Variants in HHIP observed in about 807,000 individuals in gnomAD.
HHIP encodes hedgehog interacting protein, also known as hedgehog-interacting protein.
In HHIP, 12 loss-of-function variants were observed where a neutral mutation model predicts 74.0. The ratio of observed to expected loss-of-function variants is 0.16; its 90% CI spans 0.10 to 0.26. HHIP has a LOEUF of 0.26. Among genes scored for constraint, HHIP ranks in the 10% least tolerant of loss-of-function variants. The pLI is 1.00. For synonymous variants in HHIP, 309 were observed against 311.6 expected (o/e 0.99, Z 0.09); for missense variants, 788 against 845.0 (o/e 0.93, Z 0.84).
At chr4:144,672,033 CTTG>C (rs1322086189) in intron 4 of HHIP, among the ~76,000 whole-genome samples, 1 of 151,964 alleles carries the variant, frequency 6.6e-6, no homozygotes, top group Non-Finnish European at 1.5e-5. Context: ...TAGGTCCTTT[CTTG>C]TTCTACAATT....
At chr4:144,659,006 G>A in intron 3 of HHIP, 60 bp downstream of exon 3, 1 of 1,403,764 alleles carries the variant, frequency 7.1e-7, no homozygotes, top group Non-Finnish European at 9.8e-7. Context: ...AAATCTTGTG[G>A]TTTTGACAGT....
At chr4:144,652,387 C>T (rs1728447869) in intron 1 of HHIP, among the ~76,000 whole-genome samples, 1 of 152,086 alleles carries the variant, frequency 6.6e-6, no homozygotes, top group Non-Finnish European at 1.5e-5. Flanking sequence ...ATAAGAAGCA[C>T]TTTTATGTAT....
chr4:144,714,390 C>T, intron 9 of HHIP, 42 bp downstream of exon 9: 3 of 1,596,990 alleles, frequency 1.9e-6, no homozygotes, highest in South Asian at 1.1e-5. Flanking sequence ...TACCAAATGA[C>T]ATATCCATTA....
chr4:144,712,024 A>C lies in HHIP; in HGVS notation c.1376A>C (p.Asn459Thr), dbSNP rs1175195683. 1.2e-6 allele frequency: 2 copies of C among 1,612,492 alleles called. No individual in the cohort carries two copies. The highest frequency in any genetic ancestry group is 1.7e-5 in the Admixed American group (1 of 60,004). Residue 459 changes from asparagine to threonine, a missense_variant, in exon 8 of 13, where the codon AAC becomes ACC. Coordinates refer to ENST00000296575, the MANE Select transcript of HHIP (RefSeq NM_022475.3). ...TILCSDSNGK[N>T]RSSARILQII... Reference sequence around the variant, plus strand: ...CTGTGTTCAGACTCCAATGGAAAAAACAGATCATCAGCCAGAATTCTACAG... The same window carrying C: ...CTGTGTTCAGACTCCAATGGAAAAACCAGATCATCAGCCAGAATTCTACAG...
chr4:144,715,078 T>C (rs191019650), intron 9 of HHIP: 113 of 407,126 alleles, frequency 2.8e-4, no homozygotes, highest in Non-Finnish European at 4.6e-4. Flanking sequence ...ACTCAGGTAC[T>C]TTTAGTGCCC....
intron 4 of HHIP, among the ~76,000 whole-genome samples, chr4:144,697,538 C>A (rs1200841955): frequency 6.6e-6 from 1 of 151,960 alleles, no homozygotes; most frequent in African/African-American, 2.4e-5. Flanking sequence ...TTAAAGTTTC[C>A]ACAGCTGTCA....
In HHIP at chr4:144,721,811, G is replaced by A. The variant is rs140552252; in HGVS notation, c.1760+2855G>A. ...CCAGCTACTCAGTAGGCTGAGGCAGGAGAATCACTTGAACCCAGGAGGAGG... is the reference window on the plus strand; with the variant it reads ...CCAGCTACTCAGTAGGCTGAGGCAGAAGAATCACTTGAACCCAGGAGGAGG... On this transcript the variant is annotated intron_variant, in intron 11 of 12. Coordinates refer to ENST00000296575, the MANE Select transcript of HHIP (RefSeq NM_022475.3). Among the ~76,000 whole-genome samples the A allele has an allele frequency of 1.3e-3, 202 of 151,602 alleles. 2 individuals are homozygous for A. Among genetic ancestry groups the A allele is most frequent in the African/African-American group, 4.5e-3 (186 of 41,316 alleles).
intron 4 of HHIP, among the ~76,000 whole-genome samples, chr4:144,681,450 G>C (rs1729339912): frequency 7.5e-6 from 1 of 133,002 alleles, no homozygotes; most frequent in African/African-American, 2.9e-5. Flanking sequence ...TTTTGAGACA[G>C]AGTCTCGCTC....
intron 4 of HHIP, among the ~76,000 whole-genome samples, chr4:144,699,958 C>T (rs932706983): frequency 4.6e-5 from 7 of 152,156 alleles, no homozygotes; most frequent in African/African-American, 1.7e-4. Context: ...AGCAAAATAA[C>T]ACAGTTTTAA....
At chr4:144,665,401 T>C (rs1478222660) in intron 4 of HHIP, among the ~76,000 whole-genome samples, 1 of 152,210 alleles carries the variant, frequency 6.6e-6, no homozygotes, top group African/African-American at 2.4e-5. Context: ...CTAATATCAA[T>C]GTAGTAATGG....
At chr4:144,703,501 A>C (rs1730046848) in intron 4 of HHIP, among the ~76,000 whole-genome samples, 1 of 152,312 alleles carries the variant, frequency 6.6e-6, no homozygotes, top group East Asian at 1.9e-4. Flanking sequence ...AGGGGTTAGA[A>C]GGAGAGCAGT....
At chr4:144,687,751 C>CTTTTTTTT (rs5862719) in intron 4 of HHIP, among the ~76,000 whole-genome samples, 14 of 73,442 alleles carry the variant, frequency 1.9e-4, no homozygotes, top group East Asian at 4.7e-4. Context: ...CTTTTGGCAA[C>CTTTTTTTT]TTTTTTTTTT....
intron 11 of HHIP, among the ~76,000 whole-genome samples, chr4:144,727,225 C>T (rs1236291398): frequency 3.3e-5 from 5 of 152,194 alleles, no homozygotes; most frequent in Non-Finnish European, 7.4e-5. Context: ...CACCTTCTCA[C>T]TGTATCCTAA....
At position 144,742,872 on chromosome 4, in the gene HHIP, C is replaced by A. The variant is rs181002229; in HGVS notation, c.*4915C>A. 37 of 111,704 alleles carry A rather than the reference C, an allele frequency of 3.3e-4. 1 individual carries two copies. The East Asian group carries it at 8.5e-3, about 26-fold the overall frequency. 6.9% of individuals were successfully genotyped at this position (111,704 alleles called of 1,614,324 possible). A position where few individuals can be genotyped will look rare whatever the true frequency, so the allele number is the denominator to read the frequency against. ...TTATATATATATCTTATATATATAT[C>A]TTTTTATATATATCTTATATATATA... On this transcript the variant is annotated 3_prime_UTR_variant, in exon 13 of 13. Transcript: ENST00000296575.
In HHIP at chr4:144,739,056, A is replaced by C. The variant is rs527371234; in HGVS notation, c.*1099A>C. 2.0e-5 allele frequency: 3 copies of C among 152,340 alleles called. No homozygotes were observed. In the South Asian group the frequency reaches 6.2e-4, roughly 32 times the overall value. 9.4% of individuals were successfully genotyped at this position (152,340 alleles called of 1,614,324 possible). A position where few individuals can be genotyped will look rare whatever the true frequency, so the allele number is the denominator to read the frequency against. On this transcript the variant is annotated 3_prime_UTR_variant, in exon 13 of 13. Transcript: ENST00000296575. ...TCACTTGTTTTTAAAAATCTTGGCTATGTAAGCTGTCACCTGTACAAATTT... is the reference window on the plus strand; with the variant it reads ...TCACTTGTTTTTAAAAATCTTGGCTCTGTAAGCTGTCACCTGTACAAATTT...
intron 4 of HHIP, among the ~76,000 whole-genome samples, chr4:144,678,743 A>G (rs1157701462): frequency 6.6e-6 from 1 of 152,200 alleles, no homozygotes; most frequent in African/African-American, 2.4e-5. Flanking sequence ...ATGGCTACGT[A>G]GTATTCCATG....
At chr4:144,728,844 A>G (rs1486270485) in intron 11 of HHIP, among the ~76,000 whole-genome samples, 1 of 152,164 alleles carries the variant, frequency 6.6e-6, no homozygotes, top group Non-Finnish European at 1.5e-5. Context: ...TTATAAATAT[A>G]TGATTCCTCG....
chr4:144,655,698 A>T (rs538842721), intron 2 of HHIP, among the ~76,000 whole-genome samples: 14 of 152,176 alleles, frequency 9.2e-5, no homozygotes, highest in Admixed American at 5.2e-4. Context: ...ATCAAAATCC[A>T]CCACTTCTAT....
intron 4 of HHIP, among the ~76,000 whole-genome samples, chr4:144,705,407 T>C (rs2126651672): frequency 6.6e-6 from 1 of 152,306 alleles, no homozygotes; most frequent in Non-Finnish European, 1.5e-5. Flanking sequence ...TGAGAAGGAA[T>C]AACTTCTCAT....
Sources: gnomAD v4.1 joint callset for allele counts (sites outside exome capture counted in the v4.1 genomes callset) on GRCh38, gnomAD v4.1.1 for gene constraint, MANE v1.5 for transcripts, NCBI Gene and HGNC (gene_info 2026-07-23, HGNC 2026-07-21) for gene names.